PDE3A: variants seen among roughly 807,000 people sequenced by gnomAD.
PDE3A encodes cGMP-inhibited 3',5'-cyclic phosphodiesterase 3A.
A neutral mutation model predicts 98.3 loss-of-function variants in PDE3A; 43 were observed. The observed-to-expected ratio is 0.44, with a 90% confidence interval of 0.34 to 0.56. The LOEUF is 0.56. Ranked by LOEUF, PDE3A falls within the 20% of genes least tolerant of loss-of-function variation. The probability of loss-of-function intolerance (pLI) is 0.01; values close to 1 mark genes in which losing one functional copy is unlikely to be tolerated. For synonymous variants in PDE3A, 663 were observed against 567.9 expected (o/e 1.17, Z -2.38); for missense variants, 1,427 against 1,440.7 (o/e 0.99, Z 0.15).
intron 4 of PDE3A, among the ~76,000 whole-genome samples, chr12:20,617,717 A>C (rs941535852): frequency 6.6e-6 from 1 of 152,118 alleles, no homozygotes; most frequent in Non-Finnish European, 1.5e-5. Flanking sequence ...GTAATGCTTC[A>C]TGATTTCCTT....
chr12:20,625,429 A>G (rs1944238999), intron 5 of PDE3A, among the ~76,000 whole-genome samples: 1 of 152,308 alleles, frequency 6.6e-6, no homozygotes, highest in East Asian at 1.9e-4. Context: ...CTCTACACCT[A>G]TAATCTAGAC....
chr12:20,381,502 GAC>G (rs1943664339), intron 1 of PDE3A, among the ~76,000 whole-genome samples: 1 of 151,844 alleles, frequency 6.6e-6, no homozygotes, highest in Non-Finnish European at 1.5e-5. Context: ...TGCTGAGAGA[GAC>G]ACTCTTGGAA....
chr12:20,375,252 A>C (rs1943549409), intron 1 of PDE3A, among the ~76,000 whole-genome samples: 1 of 152,028 alleles, frequency 6.6e-6, no homozygotes, highest in Non-Finnish European at 1.5e-5. Flanking sequence ...GTTCAAATGA[A>C]GATAATTCCT....
At chr12:20,568,265 G>T (rs183888534) in intron 2 of PDE3A, among the ~76,000 whole-genome samples, 5 of 151,972 alleles carry the variant, frequency 3.3e-5, no homozygotes, top group African/African-American at 1.2e-4. Context: ...AACATTTAGC[G>T]TTAAGTTCCT....
At chr12:20,470,880 G>A (rs1945426926) in intron 1 of PDE3A, among the ~76,000 whole-genome samples, 2 of 149,216 alleles carry the variant, frequency 1.3e-5, no homozygotes, top group South Asian at 4.3e-4. Flanking sequence ...GAGAGAGTGG[G>A]CCCTCGTAAT....
At chr12:20,517,846 A>G (rs1437883893) in intron 1 of PDE3A, among the ~76,000 whole-genome samples, 1 of 152,152 alleles carries the variant, frequency 6.6e-6, no homozygotes, top group Non-Finnish European at 1.5e-5. Context: ...TGACAAATGC[A>G]CATTCCTAGG....
At chr12:20,647,109 A>G (rs893342841) in intron 12 of PDE3A, among the ~76,000 whole-genome samples, 159 bp downstream of exon 12, 4 of 152,200 alleles carry the variant, frequency 2.6e-5, no homozygotes, top group Non-Finnish European at 5.9e-5. Context: ...AAAAGAAGCC[A>G]TGGATTCTTC....
intron 1 of PDE3A, among the ~76,000 whole-genome samples, chr12:20,529,794 T>C (rs1014671431): frequency 2.6e-5 from 4 of 152,202 alleles, no homozygotes; most frequent in Non-Finnish European, 5.9e-5. Context: ...TGAATTTGTT[T>C]ACCTAGTTAT....
Position 20,654,112 on chromosome 12 carries a change from G to A in PDE3A, c.3091G>A (p.Asp1031Asn), listed in dbSNP as rs981183689. The A allele has an allele frequency of 2.2e-5, 36 of 1,613,944 alleles. No individual in the cohort carries two copies. The highest frequency in any genetic ancestry group is 1.7e-4 in the African/African-American group (13 of 74,920). The change falls in exon 15 of 16, where the codon GAT becomes AAT. Residue 1031 changes from aspartate (D) to asparagine (N), a missense_variant. By Grantham distance (23) the Asp-to-Asn change is conservative. Coordinates refer to ENST00000359062, the MANE Select transcript of PDE3A (RefSeq NM_000921.5). ...LMPGKWVEDSDESGDTDDPEE... is the reference protein window; with the variant it reads ...LMPGKWVEDSNESGDTDDPEE... ...GCCTGGAAAATGGGTGGAAGACAGC[G>A]ATGAGTCAGGAGATACTGATGACCC... is the stretch of plus-strand genomic sequence containing the variant.
At chr12:20,510,714 C>A (rs1007014753) in intron 1 of PDE3A, among the ~76,000 whole-genome samples, 1 of 151,952 alleles carries the variant, frequency 6.6e-6, no homozygotes, top group African/African-American at 2.4e-5. Context: ...ATAGAAGATA[C>A]AGAGAGTTAT....
At chr12:20,548,264 AT>A (rs980296682) in intron 1 of PDE3A, among the ~76,000 whole-genome samples, 1 of 151,912 alleles carries the variant, frequency 6.6e-6, no homozygotes, top group Non-Finnish European at 1.5e-5. Flanking sequence ...TTTAAAAAAA[AT>A]TTTTTTTAGA....
At chr12:20,678,153 A>G (rs1457632155) in intron 15 of PDE3A, among the ~76,000 whole-genome samples, 1 of 152,158 alleles carries the variant, frequency 6.6e-6, no homozygotes, top group Non-Finnish European at 1.5e-5. Flanking sequence ...AGACTTCCCC[A>G]AGGCTAGGAC....
intron 2 of PDE3A, among the ~76,000 whole-genome samples, chr12:20,602,853 A>C (rs1365292410): frequency 1.3e-5 from 2 of 152,210 alleles, no homozygotes; most frequent in African/African-American, 4.8e-5. Context: ...AAAATTTCCC[A>C]ACCAACTTCA....
At chr12:20,543,781 A>G (rs1434999058) in intron 1 of PDE3A, among the ~76,000 whole-genome samples, 1 of 152,036 alleles carries the variant, frequency 6.6e-6, no homozygotes, top group Non-Finnish European at 1.5e-5. Context: ...TTGATTATAT[A>G]CTTATTAATA....
intron 1 of PDE3A, among the ~76,000 whole-genome samples, chr12:20,431,609 A>ACACACACACACACG (rs1484591416): frequency 8.6e-5 from 13 of 151,434 alleles, no homozygotes; most frequent in Admixed American, 2.0e-4. Context: ...ACACACACAC[A>ACACACACACACACG]CACACACACA....
intron 1 of PDE3A, among the ~76,000 whole-genome samples, chr12:20,520,157 T>C (rs1946396350): frequency 6.6e-6 from 1 of 152,122 alleles, no homozygotes; most frequent in Non-Finnish European, 1.5e-5. Flanking sequence ...TAGTGTAGTA[T>C]CGCCAAGCAC....
intron 1 of PDE3A, among the ~76,000 whole-genome samples, chr12:20,434,840 A>T (rs1944754771): frequency 6.6e-6 from 1 of 152,174 alleles, no homozygotes; most frequent in African/African-American, 2.4e-5. Flanking sequence ...ATATTTTTTC[A>T]GATACTAAAG....
intron 10 of PDE3A, among the ~76,000 whole-genome samples, chr12:20,643,182 G>A (rs1361879103): frequency 6.6e-6 from 1 of 152,070 alleles, no homozygotes; most frequent in Non-Finnish European, 1.5e-5. Context: ...GAAGGCTAGG[G>A]GTTTGTCCAA....
At chr12:20,472,242 G>A (rs1159871081) in intron 1 of PDE3A, among the ~76,000 whole-genome samples, 1 of 152,142 alleles carries the variant, frequency 6.6e-6, no homozygotes, top group African/African-American at 2.4e-5. Flanking sequence ...GTTCCATAAA[G>A]CAATTCCCAT....
Sources: allele counts gnomAD v4.1 joint callset (sites outside exome capture counted in the v4.1 genomes callset), GRCh38; gene constraint gnomAD v4.1.1; transcripts MANE v1.5; gene names NCBI Gene and HGNC (gene_info 2026-07-23, HGNC 2026-07-21).